SORCS2: variants seen among roughly 807,000 people sequenced by gnomAD.
The protein encoded by SORCS2 is sortilin related VPS10 domain containing receptor 2, also known as VPS10 domain-containing receptor SorCS2.
In SORCS2, 100 loss-of-function variants were observed where a neutral mutation model predicts 141.6. The ratio of observed to expected loss-of-function variants is 0.71; its 90% CI spans 0.60 to 0.83. The LOEUF is 0.83. Ranked by LOEUF, SORCS2 falls within the 40% of genes least tolerant of loss-of-function variation. The pLI is 0.00. For synonymous variants in SORCS2, 789 were observed against 676.9 expected, an observed-to-expected ratio of 1.17 and a Z score of -2.57; for missense variants, 1,646 against 1,560.2, an observed-to-expected ratio of 1.05 and a Z score of -0.93.
intron 1 of SORCS2, among the ~76,000 whole-genome samples, chr4:7,241,327 C>T (rs1712681225): frequency 6.6e-6 from 1 of 152,160 alleles, no homozygotes; most frequent in Non-Finnish European, 1.5e-5. Flanking sequence ...GGCCTCACTG[C>T]CCTCTGTGTC....
chr4:7,275,265 C>G (rs1042259566), intron 1 of SORCS2, among the ~76,000 whole-genome samples: 1 of 152,098 alleles, frequency 6.6e-6, no homozygotes, highest in Non-Finnish European at 1.5e-5. Flanking sequence ...CTCCATGACT[C>G]GAAGTCATGG....
chr4:7,478,244 G>A (rs980378500), intron 2 of SORCS2, among the ~76,000 whole-genome samples: 1 of 152,128 alleles, frequency 6.6e-6, no homozygotes, highest in African/African-American at 2.4e-5. Context: ...GGAGGAAGGT[G>A]AAACACTCAG....
chr4:7,468,198 T>C (rs1287119917), intron 2 of SORCS2, among the ~76,000 whole-genome samples: 1 of 152,224 alleles, frequency 6.6e-6, no homozygotes, highest in African/African-American at 2.4e-5. Flanking sequence ...ATTACAAGGC[T>C]TCTGTGTGAA....
chr4:7,543,067 A>G (rs1712806913), intron 3 of SORCS2, among the ~76,000 whole-genome samples: 1 of 152,210 alleles, frequency 6.6e-6, no homozygotes, highest in South Asian at 2.1e-4. Flanking sequence ...TGGCCAGCAC[A>G]TGGCAGTGGA....
At position 7,193,060 on chromosome 4, in the gene SORCS2, G is replaced by C. The variant is rs540040370; in HGVS notation, c.414G>C (p.Ser138=). Residue 138 remains serine (S), a synonymous_variant, in exon 1 of 27, where the codon TCG becomes TCC. Transcript: ENST00000507866. The surrounding 1 kb of genome is among the most constrained non-coding windows in gnomAD (Gnocchi z 4.8). ...CGCAGGTCTCGCTCATCAGCACGTC[G>C]TTCGTGCTCAAGGGGGACGCGACGC... is the stretch of plus-strand genomic sequence containing the variant. ...SRAQVSLIST[S]FVLKGDATHN... 6.7e-5 allele frequency: 104 copies of C among 1,550,892 alleles called. No individual in the cohort carries two copies. The East Asian group carries it at 2.4e-3, about 36-fold the overall frequency.
chr4:7,397,256 G>A (rs1216580245), intron 2 of SORCS2, among the ~76,000 whole-genome samples: 1 of 152,128 alleles, frequency 6.6e-6, no homozygotes, highest in African/African-American at 2.4e-5. Flanking sequence ...TTCTTACGGA[G>A]GGATTTCTGC....
chr4:7,724,142 ATGGTCGTGGTGG>A (rs1726817985), intron 19 of SORCS2, among the ~76,000 whole-genome samples: 3 of 99,316 alleles, frequency 3.0e-5, no homozygotes, highest in African/African-American at 4.2e-5. Flanking sequence ...GGTGGTGGTG[ATGGTCGTGGTGG>A]TGGTGGTGAT....
chr4:7,713,315 C>T, intron 15 of SORCS2, among the ~76,000 whole-genome samples: 1 of 151,978 alleles, frequency 6.6e-6, no homozygotes, highest in Non-Finnish European at 1.5e-5. Context: ...CCATCAGTGG[C>T]CCATCTGTAG....
chr4:7,437,197 G>A (rs1406680845), intron 2 of SORCS2, among the ~76,000 whole-genome samples: 3 of 152,172 alleles, frequency 2.0e-5, no homozygotes, highest in Admixed American at 6.5e-5. Flanking sequence ...TACTTCTGAC[G>A]AAGTGGCTAT....
At chr4:7,692,821 G>A (rs1724344734) in intron 11 of SORCS2, among the ~76,000 whole-genome samples, 1 of 152,204 alleles carries the variant, frequency 6.6e-6, no homozygotes, top group African/African-American at 2.4e-5. Context: ...CGTGTGCAGG[G>A]TGGAGGTGGG....
intron 12 of SORCS2, among the ~76,000 whole-genome samples, chr4:7,700,418 C>A (rs1724986406): frequency 6.6e-6 from 1 of 152,144 alleles, no homozygotes; most frequent in African/African-American, 2.4e-5. Flanking sequence ...GGCTATGAAT[C>A]TGTAGGGGCC....
intron 2 of SORCS2, among the ~76,000 whole-genome samples, chr4:7,513,240 G>A (rs1321314326): frequency 6.6e-6 from 1 of 152,230 alleles, no homozygotes; most frequent in Non-Finnish European, 1.5e-5. Context: ...CGCTACAGGT[G>A]TCAGTTACAC....
chr4:7,681,727 G>C (rs549426234), intron 9 of SORCS2, among the ~76,000 whole-genome samples: 1 of 152,210 alleles, frequency 6.6e-6, no homozygotes, highest in African/African-American at 2.4e-5. Flanking sequence ...TGCTGGAGTT[G>C]TGAGAATTCA....
chr4:7,642,220 C>T (rs2108875034), intron 4 of SORCS2, among the ~76,000 whole-genome samples: 2 of 152,390 alleles, frequency 1.3e-5, no homozygotes, highest in Middle Eastern at 6.8e-3. Flanking sequence ...CTGCATTTCT[C>T]AGCCTCCTGG....
intron 3 of SORCS2, among the ~76,000 whole-genome samples, chr4:7,590,376 T>G (rs115586117): frequency 6.6e-6 from 1 of 152,168 alleles, no homozygotes; most frequent in South Asian, 2.1e-4. Context: ...ATTTGCTAAC[T>G]TTAAGAAGGA....
At chr4:7,694,695 C>T (rs986813991) in intron 11 of SORCS2, among the ~76,000 whole-genome samples, 4 of 152,182 alleles carry the variant, frequency 2.6e-5, no homozygotes, top group Admixed American at 6.5e-5. Flanking sequence ...ATTCATTCAC[C>T]TCACTCACTT....
At chr4:7,688,524 A>C (rs760594104) in intron 10 of SORCS2, among the ~76,000 whole-genome samples, 1 of 152,222 alleles carries the variant, frequency 6.6e-6, no homozygotes, top group Non-Finnish European at 1.5e-5. Flanking sequence ...ATAGTAATCC[A>C]ATATCCTGTG....
chr4:7,640,319 T>C (rs911504149), intron 4 of SORCS2, among the ~76,000 whole-genome samples: 1 of 151,016 alleles, frequency 6.6e-6, no homozygotes, highest in Non-Finnish European at 1.5e-5. Flanking sequence ...TGTGGGTGTG[T>C]ATGAGCATGT....
At chr4:7,501,973 C>T (rs1357830542) in intron 2 of SORCS2, among the ~76,000 whole-genome samples, 5 of 152,332 alleles carry the variant, frequency 3.3e-5, no homozygotes, top group South Asian at 4.1e-4. Context: ...TGGGCGCACT[C>T]CCGGCTTCTG....
Sources: gnomAD v4.1 joint callset for allele counts (sites outside exome capture counted in the v4.1 genomes callset) on GRCh38, gnomAD v4.1.1 for gene constraint, Gnocchi (gnomAD v3.1) non-coding constraint, MANE v1.5 for transcripts, NCBI Gene and HGNC (gene_info 2026-07-23, HGNC 2026-07-21) for gene names.